MPP7: variants seen among roughly 807,000 people sequenced by gnomAD.
MPP7 encodes MAGUK p55 subfamily member 7.
A neutral mutation model predicts 76.5 loss-of-function variants in MPP7; 60 were observed. The ratio of observed to expected loss-of-function variants is 0.78; its 90% CI spans 0.64 to 0.97. The LOEUF (loss-of-function observed/expected upper bound fraction) is 0.97. Among genes scored for constraint, MPP7 ranks in the 50% least tolerant of loss-of-function variants. The probability of loss-of-function intolerance (pLI) is 0.00; values close to 1 mark genes in which losing one functional copy is unlikely to be tolerated. For synonymous variants in MPP7, 237 were observed against 244.5 expected (o/e 0.97, Z 0.29); for missense variants, 641 against 694.0 (o/e 0.92, Z 0.86).
intron 12 of MPP7, among the ~76,000 whole-genome samples, chr10:28,077,887 G>C (rs1852572567): frequency 6.6e-6 from 1 of 152,164 alleles, no homozygotes; most frequent in East Asian, 1.9e-4. Flanking sequence ...ATGACATAGT[G>C]AGTTCTTTTT....
chr10:28,053,836 G>A lies in MPP7; in HGVS notation c.*229C>T. 1 of 515,518 alleles carries A rather than the reference G, an allele frequency of 1.9e-6. No individual in the cohort carries two copies. 31.9% of individuals were successfully genotyped at this position (515,518 alleles called of 1,614,324 possible). ...GGTATTGAAGACAACGAGAAGGTTT[G>A]AGGTTTTGCTTAGAATACAGTACTG... On this transcript the variant is annotated 3_prime_UTR_variant, in exon 17 of 17. Transcript: ENST00000683449.
At chr10:28,086,456 C>T (rs925476589) in intron 12 of MPP7, among the ~76,000 whole-genome samples, 2 of 152,186 alleles carry the variant, frequency 1.3e-5, no homozygotes, top group African/African-American at 4.8e-5. Context: ...AATCTCTTTA[C>T]TGATGATTTC....
chr10:28,140,286 G>A (rs1477011742), intron 5 of MPP7, among the ~76,000 whole-genome samples: 11 of 152,158 alleles, frequency 7.2e-5, no homozygotes, highest in South Asian at 2.1e-4. Flanking sequence ...TGGGGCAGGC[G>A]GATCACCAGA....
chr10:28,221,291 C>A (rs922642293), intron 2 of MPP7, among the ~76,000 whole-genome samples: 1 of 152,160 alleles, frequency 6.6e-6, no homozygotes, highest in Non-Finnish European at 1.5e-5. Context: ...TCAATCCACA[C>A]TCAAGTATTC....
rs74127198 is a variant in MPP7, at chr10:28,089,471, C to A, written c.1123+200G>T. Reference sequence around the variant, plus strand: ...CAAAGGTTCCACTAAAACGACAGTACCGTTCTTCAGAAATGTCTTAAAAGT... The same window carrying A: ...CAAAGGTTCCACTAAAACGACAGTAACGTTCTTCAGAAATGTCTTAAAAGT... On this transcript the variant is annotated intron_variant, in intron 12 of 16. Transcript: ENST00000683449. Among the ~76,000 whole-genome samples, 659 of 152,268 alleles carry A rather than the reference C, an allele frequency of 4.3e-3. 3 individuals are homozygous for A. Among genetic ancestry groups the A allele is most frequent in the African/African-American group, 0.015 (621 of 41,548 alleles).
chr10:28,298,124 ACTT>A (rs1484641513), intron 1 of MPP7, among the ~76,000 whole-genome samples: 4 of 152,202 alleles, frequency 2.6e-5, no homozygotes, highest in African/African-American at 7.2e-5. Context: ...GCTGGAATCA[ACTT>A]CTTCTAAATT....
At chr10:28,333,990 C>G (rs935602460) in intron 1 of MPP7, among the ~76,000 whole-genome samples, 1 of 151,990 alleles carries the variant, frequency 6.6e-6, no homozygotes, top group East Asian at 1.9e-4. Flanking sequence ...GTCAGGAGTT[C>G]GAGATCAGCC....
chr10:28,278,305 G>A (rs1005297261), intron 1 of MPP7, among the ~76,000 whole-genome samples: 29 of 152,064 alleles, frequency 1.9e-4, no homozygotes, highest in Non-Finnish European at 2.9e-4. Flanking sequence ...CATTATCTTC[G>A]CAGCATCTTT....
intron 12 of MPP7, among the ~76,000 whole-genome samples, chr10:28,085,263 T>C (rs1852949723): frequency 6.6e-6 from 1 of 152,180 alleles, no homozygotes; most frequent in Non-Finnish European, 1.5e-5. Context: ...TACCTACTTC[T>C]CTCTGTGCTT....
chr10:28,215,122 C>T (rs1838266379), intron 2 of MPP7, among the ~76,000 whole-genome samples: 2 of 151,976 alleles, frequency 1.3e-5, no homozygotes, highest in African/African-American at 4.8e-5. Context: ...GCACTTCTCA[C>T]TTCCCAAGCC....
At chr10:28,111,503 A>G (rs940967577) in intron 11 of MPP7, among the ~76,000 whole-genome samples, 2 of 152,186 alleles carry the variant, frequency 1.3e-5, no homozygotes, top group African/African-American at 4.8e-5. Context: ...ATTTATTTTC[A>G]TAGAACAGTT....
chr10:28,310,992 C>T (rs1841286600), intron 2 of MPP7, among the ~76,000 whole-genome samples: 1 of 142,280 alleles, frequency 7.0e-6, no homozygotes, highest in South Asian at 2.6e-4. Flanking sequence ...ATAAAACTGT[C>T]CCCACAATGT....
At chr10:28,176,952 A>G (rs1836884294) in intron 3 of MPP7, among the ~76,000 whole-genome samples, 1 of 151,066 alleles carries the variant, frequency 6.6e-6, no homozygotes, top group Non-Finnish European at 1.5e-5. Flanking sequence ...GGTGCAGCAC[A>G]CCAACATGGC....
At chr10:28,272,674 G>A (rs1040522305) in intron 1 of MPP7, among the ~76,000 whole-genome samples, 23 of 151,914 alleles carry the variant, frequency 1.5e-4, no homozygotes, top group African/African-American at 4.6e-4. Context: ...GATTTGCTCG[G>A]ATCTTAATTT....
At chr10:28,265,437 T>C (rs1171132436) in intron 1 of MPP7, among the ~76,000 whole-genome samples, 1 of 152,034 alleles carries the variant, frequency 6.6e-6, no homozygotes, top group African/African-American at 2.4e-5. Flanking sequence ...TACATACCTG[T>C]AGTCCCAGCT....
chr10:28,185,788 T>A (rs1197631591), intron 3 of MPP7, among the ~76,000 whole-genome samples: 2 of 152,190 alleles, frequency 1.3e-5, no homozygotes, highest in Non-Finnish European at 2.9e-5. Context: ...AGAAATATAA[T>A]TAAATGTGGT....
chr10:28,054,270 A>T (rs1851466287), intron 16 of MPP7, 26 bp from the exon 17 acceptor site: 1 of 1,448,600 alleles, frequency 6.9e-7, no homozygotes, highest in African/African-American at 1.4e-5. Context: ...TTAAAAAAAT[A>T]ATTGGTTAAC....
chr10:28,256,159 G>C (rs1205678966), intron 1 of MPP7, among the ~76,000 whole-genome samples: 2 of 152,062 alleles, frequency 1.3e-5, no homozygotes, highest in Non-Finnish European at 2.9e-5. Context: ...TAGATAGGGA[G>C]GATATGAAGA....
At chr10:28,297,488 C>T (rs952505225) in intron 1 of MPP7, among the ~76,000 whole-genome samples, 9 of 152,130 alleles carry the variant, frequency 5.9e-5, no homozygotes, top group Non-Finnish European at 1.2e-4. Context: ...TGCGTGAGCT[C>T]AGGAGTTCAA....
Sources: gnomAD v4.1 joint callset for allele counts (sites outside exome capture counted in the v4.1 genomes callset) on GRCh38, gnomAD v4.1.1 for gene constraint, MANE v1.5 for transcripts, NCBI Gene and HGNC (gene_info 2026-07-23, HGNC 2026-07-21) for gene names.